HPSE2: variants seen among roughly 807,000 people sequenced by gnomAD.
The protein encoded by HPSE2 is heparanase 2 (inactive).
A neutral mutation model predicts 60.5 loss-of-function variants in HPSE2; 38 were observed. The observed-to-expected ratio is 0.63, with a 90% CI of 0.48 to 0.82. The LOEUF (loss-of-function observed/expected upper bound fraction) is 0.82. Ranked by LOEUF, HPSE2 falls within the 40% of genes least tolerant of loss-of-function variation. HPSE2 has a pLI of 0.00. For synonymous variants in HPSE2, 295 were observed against 293.2 expected (o/e 1.01, Z -0.06); for missense variants, 713 against 740.4 (o/e 0.96, Z 0.43).
At chr10:99,290,504 C>A in the HPSE2 span, among the ~76,000 whole-genome samples, 1 of 152,204 alleles carries the variant, frequency 6.6e-6, no homozygotes, top group Non-Finnish European at 1.5e-5. Flanking sequence ...CATCTCTTTA[C>A]TGGAGAGATG....
chr10:99,024,740 C>G (rs892666254), intron 3 of HPSE2, among the ~76,000 whole-genome samples: 2 of 152,000 alleles, frequency 1.3e-5, no homozygotes, highest in African/African-American at 4.8e-5. Flanking sequence ...ACCTTACAGG[C>G]CAGAAGAGAA....
chr10:98,524,897 AT>A (rs1258080239), intron 9 of HPSE2, among the ~76,000 whole-genome samples: 4 of 152,244 alleles, frequency 2.6e-5, no homozygotes, highest in African/African-American at 9.6e-5. Flanking sequence ...ATTATTTAAA[AT>A]TTTAACTTTT....
At chr10:98,561,784 T>C (rs1031631737) in intron 9 of HPSE2, among the ~76,000 whole-genome samples, 1 of 151,928 alleles carries the variant, frequency 6.6e-6, no homozygotes, top group Non-Finnish European at 1.5e-5. Context: ...GGAGGCGGAG[T>C]TTGCAGCGAG....
intron 2 of HPSE2, among the ~76,000 whole-genome samples, chr10:99,222,217 A>G (rs1266612559): frequency 6.6e-6 from 1 of 152,096 alleles, no homozygotes; most frequent in Non-Finnish European, 1.5e-5. Context: ...GAAAATCACC[A>G]GCTTTGGAGA....
chr10:99,237,143 G>T (rs1373192293), upstream of HPSE2, among the ~76,000 whole-genome samples: 1 of 152,176 alleles, frequency 6.6e-6, no homozygotes, highest in East Asian at 1.9e-4. Flanking sequence ...GCGGGAAAGG[G>T]ATCAGGCACA....
At chr10:98,459,813 G>T in intron 11 of HPSE2, 74 bp from the exon 12 acceptor site, 1 of 1,432,780 alleles carries the variant, frequency 7.0e-7, no homozygotes, top group Non-Finnish European at 9.6e-7. Context: ...CCTAGCCCCA[G>T]ATGGCCTGGC....
At position 98,498,126 on chromosome 10, in the gene HPSE2, G is replaced by A. The variant is rs535132123; in HGVS notation, c.1321-7930C>T. On this transcript the variant is annotated intron_variant, in intron 9 of 11. Transcript: ENST00000370552. ...CAGGACTAGATTGCAGCTCCAACTC[G>A]GACAGACAAAGCAGCATGCGGAGGC... Among the ~76,000 whole-genome samples the A allele has an allele frequency of 3.3e-5, 5 of 152,228 alleles. No homozygotes were observed. The East Asian group carries it at 9.6e-4, about 29-fold the overall frequency.
the HPSE2 span, among the ~76,000 whole-genome samples, chr10:99,289,357 T>G: frequency 6.3e-4 from 2 of 3,164 alleles, no homozygotes; most frequent in African/African-American, 0.011. Context: ...CATCATCTGT[T>G]TTTTTTTTGG....
At chr10:98,485,841 G>A (rs1941420091) in intron 10 of HPSE2, among the ~76,000 whole-genome samples, 1 of 150,078 alleles carries the variant, frequency 6.7e-6, no homozygotes, top group East Asian at 2.0e-4. Context: ...GCATTTATGA[G>A]TTTCTCCTCT....
intron 3 of HPSE2, among the ~76,000 whole-genome samples, chr10:98,796,035 T>G (rs953545981): frequency 1.3e-5 from 2 of 152,042 alleles, no homozygotes; most frequent in African/African-American, 4.8e-5. Flanking sequence ...CCAAGTAGTA[T>G]GCCATTGGCT....
intron 9 of HPSE2, among the ~76,000 whole-genome samples, chr10:98,534,568 C>A (rs901424854): frequency 6.6e-6 from 1 of 152,154 alleles, no homozygotes; most frequent in South Asian, 2.1e-4. Flanking sequence ...CCACACCCGA[C>A]TAATTTTTGT....
intron 3 of HPSE2, among the ~76,000 whole-genome samples, chr10:98,962,238 T>C (rs1955696164): frequency 9.7e-6 from 1 of 102,790 alleles, no homozygotes; most frequent in Non-Finnish European, 2.0e-5. Context: ...TCTTTTTTGG[T>C]TCCATATGAA....
rs553503113 is a variant in HPSE2, at chr10:98,918,393, G to A, written c.611-174337C>T. Among the ~76,000 whole-genome samples, 415 of 151,576 alleles carry A rather than the reference G, an allele frequency of 2.7e-3. 1 individual carries two copies. The highest frequency in any genetic ancestry group is 4.2e-3 in the Non-Finnish European group (286 of 67,916). On this transcript the variant is annotated intron_variant, in intron 3 of 11. Coordinates refer to ENST00000370552, the MANE Select transcript of HPSE2 (RefSeq NM_021828.5). ...ACACATGCACACGTATGTTTATTGC[G>A]GCACTATTCACAATAGCAAAGACTT...
intron 4 of HPSE2, among the ~76,000 whole-genome samples, chr10:98,723,750 G>A (rs4534510): frequency 0.49 from 74,949 of 151,972 alleles, 20,838 homozygotes; most frequent in South Asian, 0.75. Flanking sequence ...GTTTATTTGC[G>A]TAGAGGTGTT....
At chr10:98,852,688 A>G (rs7070985) in intron 3 of HPSE2, among the ~76,000 whole-genome samples, 21,562 of 152,248 alleles carry the variant, frequency 0.14, 2,153 homozygotes, top group African/African-American at 0.27. Context: ...AATCACGCCT[A>G]TTCAATGAAG....
At chr10:99,306,802 C>T in the HPSE2 span, among the ~76,000 whole-genome samples, 1 of 152,154 alleles carries the variant, frequency 6.6e-6, no homozygotes, top group African/African-American at 2.4e-5. Flanking sequence ...CTCCACCTCC[C>T]AGGTTCAAGT....
At chr10:98,752,551 CT>C (rs1288186752) in intron 3 of HPSE2, among the ~76,000 whole-genome samples, 1 of 152,080 alleles carries the variant, frequency 6.6e-6, no homozygotes, top group Non-Finnish European at 1.5e-5. Context: ...AATAATTTGG[CT>C]GGGATTGCAG....
intron 9 of HPSE2, among the ~76,000 whole-genome samples, chr10:98,491,762 A>T (rs1485133743): frequency 6.6e-6 from 1 of 152,200 alleles, no homozygotes; most frequent in Non-Finnish European, 1.5e-5. Context: ...GCAAATAGGG[A>T]TCCATTTGCC....
intron 9 of HPSE2, among the ~76,000 whole-genome samples, chr10:98,600,883 ACATATATACG>A (rs1204863825): frequency 2.9e-5 from 4 of 136,024 alleles, no homozygotes. Context: ...ATGTATATAT[ACATATATACG>A]TATATATATG....
Sources: gnomAD v4.1 joint callset for allele counts (sites outside exome capture counted in the v4.1 genomes callset) on GRCh38, gnomAD v4.1.1 for gene constraint, MANE v1.5 for transcripts, NCBI Gene and HGNC (gene_info 2026-07-23, HGNC 2026-07-21) for gene names.